ADAM22: variants seen among roughly 807,000 people sequenced by gnomAD.
ADAM22 encodes ADAM metallopeptidase domain 22, also known as disintegrin and metalloproteinase domain-containing protein 22.
Under a neutral mutation model 144.6 loss-of-function variants are expected in ADAM22, and 65 were observed. The ratio of observed to expected loss-of-function variants is 0.45; its 90% CI spans 0.37 to 0.55. ADAM22 has a LOEUF of 0.55. Ranked by LOEUF, ADAM22 falls within the 20% of genes least tolerant of loss-of-function variation. The pLI is 0.00. For missense variants in ADAM22, 974 were observed against 1,184.9 expected, an observed-to-expected ratio of 0.82 and a Z score of 2.61; for synonymous variants, 391 against 412.6, an observed-to-expected ratio of 0.95 and a Z score of 0.63.
At chr7:88,067,405 C>T (rs11762443) in intron 3 of ADAM22, among the ~76,000 whole-genome samples, 1 of 151,516 alleles carries the variant, frequency 6.6e-6, no homozygotes, top group Non-Finnish European at 1.5e-5. Context: ...CCTCCCCCCA[C>T]CCCACAACAG....
At chr7:88,013,263 ACT>A (rs1421950125) in intron 3 of ADAM22, among the ~76,000 whole-genome samples, 61 of 151,772 alleles carry the variant, frequency 4.0e-4, no homozygotes, top group South Asian at 2.1e-3. Context: ...TTGCCCTGTG[ACT>A]CTGTTCTCTG....
At chr7:87,950,325 T>C (rs1408092544) in intron 2 of ADAM22, among the ~76,000 whole-genome samples, 2 of 130,558 alleles carry the variant, frequency 1.5e-5, no homozygotes, top group African/African-American at 2.9e-5. Context: ...AGTGTGATGT[T>C]CCCCTTCCTG....
At chr7:88,164,641 C>A (rs1459804451) in intron 23 of ADAM22, among the ~76,000 whole-genome samples, 3 of 152,032 alleles carry the variant, frequency 2.0e-5, no homozygotes, top group African/African-American at 7.2e-5. Flanking sequence ...GACTCAATTT[C>A]TTCCTCTGTA....
intron 3 of ADAM22, among the ~76,000 whole-genome samples, chr7:88,062,425 C>T (rs1810144517): frequency 6.6e-6 from 1 of 152,198 alleles, no homozygotes; most frequent in Admixed American, 6.5e-5. Flanking sequence ...TCTGCAACTT[C>T]CTCATGTCTC....
At chr7:88,083,691 TCCTGTATA>T (rs1378897994) in intron 4 of ADAM22, among the ~76,000 whole-genome samples, 1 of 149,586 alleles carries the variant, frequency 6.7e-6, no homozygotes, top group Non-Finnish European at 1.5e-5. Flanking sequence ...AGTAAATACC[TCCTGTATA>T]CCTATACATT....
In ADAM22 at chr7:87,939,364, C is replaced by A. The variant is rs117812000; in HGVS notation, c.246+4178C>A. Among the ~76,000 whole-genome samples the A allele has an allele frequency of 1.8e-3, 275 of 152,310 alleles. 1 individual carries two copies. The highest frequency in any genetic ancestry group is 3.9e-3 in the South Asian group (19 of 4,828). On this transcript the variant is annotated intron_variant, in intron 2 of 31. Transcript: ENST00000413139. Reference sequence around the variant, plus strand: ...AAAACAGGAAAGCAAAGAGTAGATGCTGTGGCACTTTCATGACTTGCTGAG... The same window carrying A: ...AAAACAGGAAAGCAAAGAGTAGATGATGTGGCACTTTCATGACTTGCTGAG...
intron 3 of ADAM22, among the ~76,000 whole-genome samples, chr7:88,034,758 C>T (rs1331261938): frequency 3.3e-5 from 5 of 152,122 alleles, no homozygotes; most frequent in African/African-American, 1.2e-4. Flanking sequence ...TTTAAATGCT[C>T]CTTCTGTGGG....
chr7:88,106,773 C>T (rs539031529), intron 4 of ADAM22, among the ~76,000 whole-genome samples: 2 of 152,156 alleles, frequency 1.3e-5, no homozygotes, highest in East Asian at 3.9e-4. Flanking sequence ...GGGGGTGGGG[C>T]CTGAGATTCT....
At position 88,051,643 on chromosome 7, in the gene ADAM22, A is replaced by G. The variant is rs145617471; in HGVS notation, c.324-23983A>G. ...TGCAGCACACCAACATGGCACACGT[A>G]TACATATGTAACAAACCTGCACATT... On this transcript the variant is annotated intron_variant, in intron 3 of 31. Coordinates refer to ENST00000413139, the MANE Select transcript of ADAM22 (RefSeq NM_001324418.2). Among the ~76,000 whole-genome samples the G allele has an allele frequency of 5.6e-4, 86 of 152,224 alleles. 1 individual carries two copies. The highest frequency in any genetic ancestry group is 2.0e-3 in the African/African-American group (81 of 41,538).
intron 25 of ADAM22, among the ~76,000 whole-genome samples, chr7:88,170,905 A>G (rs774552698): frequency 1.3e-5 from 2 of 151,972 alleles, no homozygotes; most frequent in Non-Finnish European, 2.9e-5. Flanking sequence ...AACTCATTTA[A>G]GTCGATTTTA....
intron 22 of ADAM22, among the ~76,000 whole-genome samples, 155 bp from the exon 23 acceptor site, chr7:88,162,857 G>A (rs1393122512): frequency 6.6e-6 from 1 of 152,064 alleles, no homozygotes; most frequent in Admixed American, 6.6e-5. Flanking sequence ...AGATTCAATA[G>A]CTTTCTCTGA....
chr7:87,944,619 AG>A (rs1843127596), intron 2 of ADAM22, among the ~76,000 whole-genome samples: 1 of 152,144 alleles, frequency 6.6e-6, no homozygotes, highest in South Asian at 2.1e-4. Flanking sequence ...GGTCAGGAAC[AG>A]GCTGTAGGTA....
intron 4 of ADAM22, among the ~76,000 whole-genome samples, chr7:88,100,784 G>A (rs901071229): frequency 2.0e-5 from 3 of 152,036 alleles, no homozygotes; most frequent in Non-Finnish European, 4.4e-5. Flanking sequence ...TAAAGTGGTG[G>A]GATTACAGGT....
At position 88,105,440 on chromosome 7, in the gene ADAM22, G is replaced by A. The variant is rs76423714; in HGVS notation, c.391-2736G>A. On this transcript the variant is annotated intron_variant, in intron 4 of 31. Transcript: ENST00000413139. ...AGAACTTTGATCTCTGATCCAATCC[G>A]ATGTATCCAGGAAATCACGGGCATC... Among the ~76,000 whole-genome samples, 36 of 152,226 alleles carry A rather than the reference G, an allele frequency of 2.4e-4. No homozygotes were observed. The East Asian group carries it at 5.4e-3, about 23-fold the overall frequency.
intron 15 of ADAM22, 91 bp from the exon 16 acceptor site, chr7:88,145,034 C>A (rs1586161348): frequency 2.0e-6 from 2 of 987,248 alleles, no homozygotes; most frequent in African/African-American, 3.3e-5. Context: ...ACTGGCAGGG[C>A]AGGTATATTT....
At chr7:87,946,801 C>A (rs1584494977) in intron 2 of ADAM22, among the ~76,000 whole-genome samples, 1 of 152,146 alleles carries the variant, frequency 6.6e-6, no homozygotes, top group Non-Finnish European at 1.5e-5. Context: ...AGGGAATCAA[C>A]CTAGGTGCTC....
At chr7:87,974,303 CA>C (rs11351127) in intron 2 of ADAM22, among the ~76,000 whole-genome samples, 56,625 of 111,980 alleles carry the variant, frequency 0.51, 11,398 homozygotes, top group Middle Eastern at 0.56. Flanking sequence ...GACTCTGTCT[CA>C]AAAAAAAAAA....
chr7:88,063,539 G>C (rs980414330), intron 3 of ADAM22, among the ~76,000 whole-genome samples: 1 of 152,158 alleles, frequency 6.6e-6, no homozygotes, highest in Non-Finnish European at 1.5e-5. Flanking sequence ...AAAGGACAGA[G>C]AGGAAATTAT....
rs201972241 is a variant in ADAM22 at position 87,934,479 on chromosome 7, T to G, written c.14T>G (p.Val5Gly). Residue 5 changes from valine to glycine, a missense_variant, in exon 1 of 32, where the codon GTG (valine) becomes GGG (glycine). By Grantham distance (109) the Val-to-Gly change is moderately radical. This residue lies in a region of ADAM22 where 240 missense variants were observed against 234.3 expected (regional missense o/e 1.02). Coordinates refer to ENST00000413139, the MANE Select transcript of ADAM22 (RefSeq NM_001324418.2). ...GACGGCAGCACCATGCAGGCGGCAGTGGCTGTGTCCGTGCCCTTCTTGCTG... is the reference window on the plus strand; with the variant it reads ...GACGGCAGCACCATGCAGGCGGCAGGGGCTGTGTCCGTGCCCTTCTTGCTG... MQAAVAVSVPFLLLC... is the reference protein window; with the variant it reads MQAAGAVSVPFLLLC... The G allele has an allele frequency of 1.1e-3, 1,782 of 1,602,980 alleles. 39 individuals are homozygous for G. The Admixed American group carries it at 0.023, about 21-fold the overall frequency.
Sources: gnomAD v4.1 joint callset for allele counts (sites outside exome capture counted in the v4.1 genomes callset) on GRCh38, gnomAD v4.1.1 for gene constraint, gnomAD v4.1.1 regional missense constraint, MANE v1.5 for transcripts, NCBI Gene and HGNC (gene_info 2026-07-23, HGNC 2026-07-21) for gene names.